SPTAN1: variants seen among roughly 807,000 people sequenced by gnomAD.
SPTAN1 encodes spectrin alpha, non-erythrocytic 1.
A neutral mutation model predicts 331.3 loss-of-function variants in SPTAN1; 61 were observed. The ratio of observed to expected loss-of-function variants is 0.18; its 90% CI spans 0.15 to 0.23. The LOEUF (loss-of-function observed/expected upper bound fraction) is 0.23. Ranked by LOEUF, SPTAN1 falls within the 10% of genes least tolerant of loss-of-function variation. The pLI is 1.00. For missense variants in SPTAN1, 2,043 were observed against 3,147.9 expected, an observed-to-expected ratio of 0.65 and a Z score of 8.40; for synonymous variants, 1,153 against 1,173.9, an observed-to-expected ratio of 0.98 and a Z score of 0.36.
intron 3 of SPTAN1, among the ~76,000 whole-genome samples, chr9:128,573,623 A>T (rs1850971886): frequency 6.6e-6 from 1 of 151,518 alleles, no homozygotes; most frequent in Non-Finnish European, 1.5e-5. Flanking sequence ...TGCCCGGCTA[A>T]TTTATGTATT....
chr9:128,585,319 G>A (rs961535927), intron 18 of SPTAN1, among the ~76,000 whole-genome samples: 4 of 152,034 alleles, frequency 2.6e-5, no homozygotes, highest in Admixed American at 6.6e-5. Context: ...ATGAGCCACC[G>A]CGCCTGGCTC....
chr9:128,630,559 T>C lies in SPTAN1; in HGVS notation c.6762+184T>C, dbSNP rs1859544333. On this transcript the variant is annotated intron_variant, in intron 52 of 56. Transcript: ENST00000372739. ...CTCTTTTCTTTCTTTCTTCATGGAA[T>C]CTCTCTCTCGCCCAGGCTGGAGTGC... 3.5e-5 allele frequency: 21 copies of C among 602,812 alleles called. No individual in the cohort carries two copies. In the South Asian group the frequency reaches 3.7e-4, roughly 11 times the overall value. The allele number at this position is 602,812 out of a possible 1,614,324, so 37.3% of individuals were successfully genotyped here.
chr9:128,566,895 A>T lies in SPTAN1; in HGVS notation c.155A>T (p.Asp52Val). The T allele has an allele frequency of 6.2e-7, 1 of 1,614,234 alleles. No homozygotes were observed. ...DSYRFQFFQRDAEELEKWIQE... is the reference protein window; with the variant it reads ...DSYRFQFFQRVAEELEKWIQE... The stretch of plus-strand genomic sequence containing the variant: ...TATCGATTCCAGTTCTTTCAAAGAG[A>T]TGCTGAAGAGCTGGAGAAATGGATA... The change falls in exon 2 of 57, where the codon GAT becomes GTT. Residue 52 changes from aspartate to valine, a missense_variant. Asp to Val is a radical substitution (Grantham distance 152, BLOSUM62 -3). This residue lies in a region of SPTAN1 where 1,038 missense variants were observed against 1,531.5 expected (regional missense o/e 0.68). Transcript: ENST00000372739.
chr9:128,584,117 T>G, intron 16 of SPTAN1, 148 bp downstream of exon 16: 1 of 1,439,812 alleles, frequency 6.9e-7, no homozygotes, highest in Non-Finnish European at 9.6e-7. Flanking sequence ...GTGCTTCTGC[T>G]CAAATTAAAT....
chr9:128,599,103 T>C, intron 26 of SPTAN1, 117 bp downstream of exon 26: 1 of 997,766 alleles, frequency 1.0e-6, no homozygotes, highest in Non-Finnish European at 1.6e-6. Context: ...CAGATGCCTT[T>C]TGTGTGTAAA....
rs1254268073 is a variant in SPTAN1, at chr9:128,625,406, G to A, written c.6069+227G>A. Among the ~76,000 whole-genome samples, 10 of 152,206 alleles carry A rather than the reference G, an allele frequency of 6.6e-5. No homozygotes were observed. The highest frequency in any genetic ancestry group is 2.0e-4 in the Admixed American group (3 of 15,260). ...GTGCTGACGGGACTGGGCACTGCAG[G>A]AGCACTCACTCAGTTTTCAGCAGGC... On this transcript the variant is annotated intron_variant, in intron 47 of 56. Transcript: ENST00000372739. The surrounding 1 kb of genome is among the most constrained non-coding windows in gnomAD (Gnocchi z 4.1).
chr9:128,622,953 A>G (rs1271056997), intron 45 of SPTAN1, among the ~76,000 whole-genome samples: 3 of 151,676 alleles, frequency 2.0e-5, no homozygotes, highest in Non-Finnish European at 4.4e-5. Flanking sequence ...GGGTTTCACC[A>G]TGTTGGTTAG....
chr9:128,625,364 C>T lies in SPTAN1; in HGVS notation c.6069+185C>T, dbSNP rs1399284068. 6.6e-6 allele frequency among the ~76,000 whole-genome samples: 1 copy of T among 152,206 alleles called. No homozygotes were observed. The highest frequency in any genetic ancestry group is 6.5e-5 in the Admixed American group (1 of 15,276). On this transcript the variant is annotated intron_variant, in intron 47 of 56. Transcript: ENST00000372739. This position sits in a 1 kb window ranked among gnomAD's most constrained non-coding sequence, Gnocchi z 4.1. ...GAAGCAGACACAGAACCAGGCATCT[C>T]TGCAGCAGCCTGCTGGGTGCTGACG...
At position 128,584,705 on chromosome 9, in the gene SPTAN1, T is replaced by C; in HGVS notation, c.2438-16T>C. ...TCTTCATGGTTGGATAACTGGGGACTGGTGTCTGCTTTCAGGTAAGGATTT... is the reference window on the plus strand; with the variant it reads ...TCTTCATGGTTGGATAACTGGGGACCGGTGTCTGCTTTCAGGTAAGGATTT... On this transcript the variant is annotated splice_polypyrimidine_tract_variant and intron_variant, in intron 17 of 56. Transcript: ENST00000372739. 1 of 1,614,234 alleles carries C rather than the reference T, an allele frequency of 6.2e-7. No homozygotes were observed. Among genetic ancestry groups the C allele is most frequent in the Non-Finnish European group, 8.5e-7 (1 of 1,180,048 alleles).
intron 34 of SPTAN1, 66 bp downstream of exon 34, chr9:128,608,342 A>G: frequency 6.3e-7 from 1 of 1,597,912 alleles, no homozygotes; most frequent in Non-Finnish European, 8.6e-7. Context: ...TTCTTGGCTT[A>G]TATAGTCACT....
At position 128,607,894 on chromosome 9, in the gene SPTAN1, G is replaced by A; in HGVS notation, c.4189G>A (p.Ala1397Thr). 6.2e-7 allele frequency: 1 copy of A among 1,614,094 alleles called. No individual in the cohort carries two copies. Among genetic ancestry groups the A allele is most frequent in the Non-Finnish European group, 8.5e-7 (1 of 1,180,030 alleles). ...EIDARAGTFQ[A>T]FEQFGQQLLA... is the part of the protein sequence containing the mutation. ...CGATGCCAGGGCTGGCACTTTCCAG[G>A]CATTTGAGCAGTTTGGACAGCAGCT... The change falls in exon 33 of 57, where the codon GCA (alanine) becomes ACA (threonine). Residue 1397 changes from alanine (A) to threonine (T), a missense_variant. Physicochemically the swap from Ala to Thr is moderately conservative, Grantham distance 58 (BLOSUM62 0). Transcript: ENST00000372739.
chr9:128,604,556 C>G, intron 29 of SPTAN1, 139 bp downstream of exon 29: 1 of 782,208 alleles, frequency 1.3e-6, no homozygotes, highest in Non-Finnish European at 2.1e-6. Flanking sequence ...GGTGGGTGCT[C>G]AGTAAATCCT....
intron 53 of SPTAN1, 51 bp downstream of exon 53, chr9:128,632,374 A>C (rs1199716797): frequency 6.2e-7 from 1 of 1,613,484 alleles, no homozygotes; most frequent in South Asian, 1.1e-5. Flanking sequence ...GGGGAGGAAA[A>C]GACACAGTCA....
In SPTAN1 at chr9:128,592,888, C is replaced by T. The variant is rs1241308131; in HGVS notation, c.3156-95C>T. ...TCCATAGTTTCCCAACATTAAGCAT[C>T]CACCATCATGGCACCAGTCGGAGCT... On this transcript the variant is annotated intron_variant, in intron 22 of 56. Coordinates refer to ENST00000372739, the MANE Select transcript of SPTAN1 (RefSeq NM_001130438.3). The T allele has an allele frequency of 2.5e-5, 29 of 1,156,028 alleles. 1 individual carries two copies. In the South Asian group the frequency reaches 3.5e-4, roughly 14 times the overall value. 71.6% of individuals were successfully genotyped at this position (1,156,028 alleles called of 1,614,324 possible). A position where few individuals can be genotyped will look rare whatever the true frequency, so the allele number is the denominator to read the frequency against.
Position 128,607,859 on chromosome 9 carries a change from G to T in SPTAN1, c.4154G>T (p.Arg1385Leu). 6.2e-7 allele frequency: 1 copy of T among 1,613,876 alleles called. No individual in the cohort carries two copies. Among genetic ancestry groups the T allele is most frequent in the South Asian group, 1.1e-5 (1 of 91,042 alleles). Residue 1385 changes from arginine to leucine, a missense_variant, in exon 33 of 57, where the codon CGG becomes CTG. Transcript: ENST00000372739. ...EALLERHQEH[R>L]TEIDARAGTF... ...CTTCCCTCCTTTTGGCAGGAACACCGGACAGAAATCGATGCCAGGGCTGGC... is the reference window on the plus strand; with the variant it reads ...CTTCCCTCCTTTTGGCAGGAACACCTGACAGAAATCGATGCCAGGGCTGGC...
In SPTAN1 at chr9:128,615,613, C is replaced by T. The variant is rs1857072203; in HGVS notation, c.5149-19C>T. The T allele has an allele frequency of 1.9e-6, 3 of 1,613,562 alleles. No individual in the cohort carries two copies. The highest frequency in any genetic ancestry group is 2.5e-6 in the Non-Finnish European group (3 of 1,180,030). On this transcript the variant is annotated intron_variant, in intron 40 of 56. Transcript: ENST00000372739. ...TGTGGGAGACCCAGTTTCTGACCCTCTTATGTCCCCTGCCCCAGGATCGCC... is the reference window on the plus strand; with the variant it reads ...TGTGGGAGACCCAGTTTCTGACCCTTTTATGTCCCCTGCCCCAGGATCGCC...
At chr9:128,599,467 A>G (rs1230010899) in intron 26 of SPTAN1, 1 of 164,466 alleles carries the variant, frequency 6.1e-6, no homozygotes, top group Non-Finnish European at 1.3e-5. Context: ...ATTCTCCAAA[A>G]GACAAAAAAA....
intron 27 of SPTAN1, among the ~76,000 whole-genome samples, chr9:128,600,686 G>A (rs937561250): frequency 6.6e-6 from 1 of 152,094 alleles, no homozygotes; most frequent in Non-Finnish European, 1.5e-5. Flanking sequence ...GTTTTGAGAT[G>A]GAGTATTGCC....
chr9:128,555,902 A>G (rs992140455), intron 1 of SPTAN1, among the ~76,000 whole-genome samples: 3 of 152,118 alleles, frequency 2.0e-5, no homozygotes, highest in African/African-American at 7.2e-5. Context: ...AATTTCTATA[A>G]TAGAGCTTAC....
Sources: gnomAD v4.1 joint callset for allele counts (sites outside exome capture counted in the v4.1 genomes callset) on GRCh38, gnomAD v4.1.1 for gene constraint, gnomAD v4.1.1 regional missense constraint, Gnocchi (gnomAD v3.1) non-coding constraint, MANE v1.5 for transcripts, NCBI Gene and HGNC (gene_info 2026-07-23, HGNC 2026-07-21) for gene names.